The following TUBB4A variants were observed in gnomAD, a reference collection of about 807,000 sequenced individuals.
TUBB4A encodes tubulin beta 4A class IVa, also known as tubulin beta-4A chain.
A neutral mutation model predicts 35.1 loss-of-function variants in TUBB4A; 13 were observed. The observed-to-expected ratio is 0.37, with a 90% CI of 0.24 to 0.59. The LOEUF is 0.59. TUBB4A is among the 20% of genes least tolerant of loss of function. The pLI, the probability that TUBB4A is intolerant of heterozygous loss-of-function variation, is 0.71. For synonymous variants in TUBB4A, 279 were observed against 272.4 expected (o/e 1.02, Z -0.24); for missense variants, 299 against 647.2 (o/e 0.46, Z 5.84).
In TUBB4A at chr19:6,495,517, C is replaced by T; in HGVS notation, c.982G>A (p.Glu328Lys). The T allele has an allele frequency of 2.5e-6, 4 of 1,614,214 alleles. No homozygotes were observed. The highest frequency in any genetic ancestry group is 3.4e-6 in the Non-Finnish European group (4 of 1,180,038). The change falls in exon 4 of 4, where the codon GAG becomes AAG. Residue 328 changes from glutamate to lysine, a missense_variant. This residue lies in a region of TUBB4A where 125 missense variants were observed against 279.1 expected (regional missense o/e 0.45). Transcript: ENST00000264071. This position sits in a 1 kb window ranked among gnomAD's most constrained non-coding sequence, Gnocchi z 8.7. Reference sequence around the variant, plus strand: ...TTGCTCTGCACGCTCAGCATCTGCTCGTCCACCTCCTTCATGGACATGCGG... The same window carrying T: ...TTGCTCTGCACGCTCAGCATCTGCTTGTCCACCTCCTTCATGGACATGCGG... ...RGRMSMKEVD[E>K]QMLSVQSKNS... is the part of the protein sequence containing the mutation.
rs1041356874 is a variant in TUBB4A, at chr19:6,496,473, C to CA, written c.278-253dup. Reference sequence around the variant, plus strand: ...TGAAACCCCGTCTCTACTAAAATTACAAAAAAAATTAGCCGGGAGTGGTGG... The same window carrying CA: ...TGAAACCCCGTCTCTACTAAAATTACAAAAAAAAATTAGCCGGGAGTGGTGG... On this transcript the variant is annotated intron_variant, in intron 3 of 3. Transcript: ENST00000264071. The CA allele has an allele frequency of 3.9e-4, 139 of 359,246 alleles. 2 individuals carry two copies. In the East Asian group the frequency reaches 6.8e-3, roughly 17 times the overall value. The allele number at this position is 359,246 out of a possible 1,614,324, so 22.3% of individuals were successfully genotyped here.
chr19:6,496,813 TC>T (rs1914222451), intron 3 of TUBB4A, among the ~76,000 whole-genome samples: 1 of 145,070 alleles, frequency 6.9e-6, no homozygotes, highest in South Asian at 2.2e-4. Flanking sequence ...GGAGTGAGAC[TC>T]CATCTCAAAA....
In TUBB4A at chr19:6,501,240, G is replaced by A; in HGVS notation, c.277+47C>T. 6.5e-7 allele frequency: 1 copy of A among 1,528,650 alleles called. No homozygotes were observed. The highest frequency in any genetic ancestry group is 9.0e-7 in the Non-Finnish European group (1 of 1,111,770). The allele number at this position is 1,528,650 out of a possible 1,614,324, so 94.7% of individuals were successfully genotyped here. ...GGCTGTTGACTCTGTGGTGTTAGCA[G>A]GAATAAGGAGGTTTTCCAGCCTCTG... On this transcript the variant is annotated intron_variant, in intron 3 of 3. Transcript: ENST00000264071. This position sits in a 1 kb window ranked among gnomAD's most constrained non-coding sequence, Gnocchi z 4.2.
At chr19:6,498,273 T>C (rs1914361019) in intron 3 of TUBB4A, among the ~76,000 whole-genome samples, 1 of 151,616 alleles carries the variant, frequency 6.6e-6, no homozygotes, top group South Asian at 2.1e-4. Context: ...ACAGCTAACG[T>C]TTTCTTTCAC....
Position 6,501,891 on chromosome 19 carries a change from T to C in TUBB4A, c.57+265A>G, listed in dbSNP as rs1436091937. On this transcript the variant is annotated intron_variant, in intron 1 of 3. Coordinates refer to ENST00000264071, the MANE Select transcript of TUBB4A (RefSeq NM_006087.4). This position sits in a 1 kb window ranked among gnomAD's most constrained non-coding sequence, Gnocchi z 4.2. ...GGGAGGCACCGGGGCTCTTTGTGCG[T>C]GAGGAGGGGACAGTGGCCCAGCTGT... is the stretch of plus-strand genomic sequence containing the variant. The C allele has an allele frequency of 3.4e-6, 2 of 583,886 alleles. No homozygotes were observed. The highest frequency in any genetic ancestry group is 3.2e-5 in the Admixed American group (1 of 31,310). 36.2% of individuals were successfully genotyped at this position (583,886 alleles called of 1,614,324 possible).
At chr19:6,497,025 ATATATATATATATATAT>A (rs1332941454) in intron 3 of TUBB4A, among the ~76,000 whole-genome samples, 50 of 8,418 alleles carry the variant, frequency 5.9e-3, no homozygotes, top group Middle Eastern at 0.12. Context: ...AAAAAAAAAA[ATATATATATATATATAT>A]ATATATATAT....
intron 3 of TUBB4A, among the ~76,000 whole-genome samples, chr19:6,497,025 ATATATAT>A (rs1258789141): frequency 3.0e-3 from 25 of 8,418 alleles, no homozygotes; most frequent in Non-Finnish European, 3.5e-3. Context: ...AAAAAAAAAA[ATATATAT>A]ATATATATAT....
Position 6,496,227 on chromosome 19 carries a change from G to A in TUBB4A, c.278-6C>T, listed in dbSNP as rs761298089. The A allele has an allele frequency of 5.6e-6, 9 of 1,599,090 alleles. No individual in the cohort carries two copies. The highest frequency in any genetic ancestry group is 7.7e-6 in the Non-Finnish European group (9 of 1,170,754). ...GTTGCCGGCTCCGGATTGGCCTAGA[G>A]AGGGAAGGGGAGGGGACACACATGC... On this transcript the variant is annotated splice_region_variant and splice_polypyrimidine_tract_variant and intron_variant, in intron 3 of 3. Coordinates refer to ENST00000264071, the MANE Select transcript of TUBB4A (RefSeq NM_006087.4).
At chr19:6,497,625 G>A (rs939222257) in intron 3 of TUBB4A, among the ~76,000 whole-genome samples, 5 of 151,858 alleles carry the variant, frequency 3.3e-5, no homozygotes, top group African/African-American at 4.8e-5. Context: ...GCAAGCTCCC[G>A]GAGGAAAAGA....
Position 6,495,455 on chromosome 19 carries a change from G to A in TUBB4A, c.1044C>T (p.Asn348=), listed in dbSNP as rs111274574. 106 of 1,614,224 alleles carry A rather than the reference G, an allele frequency of 6.6e-5. No individual in the cohort carries two copies. The African/African-American group carries it at 1.2e-3, about 18-fold the overall frequency. The change falls in exon 4 of 4, where the codon AAC becomes AAT. Residue 348 remains asparagine, a synonymous_variant. Transcript: ENST00000264071. This position sits in a 1 kb window ranked among gnomAD's most constrained non-coding sequence, Gnocchi z 8.7. Reference sequence around the variant, plus strand: ...GGATGTCGCACACGGCCGTCTTCACGTTGTTGGGGATCCACTCCACGAAGT... The same window carrying A: ...GGATGTCGCACACGGCCGTCTTCACATTGTTGGGGATCCACTCCACGAAGT... ...SSYFVEWIPN[N]VKTAVCDIPP...
chr19:6,502,242 C>T lies in TUBB4A; in HGVS notation c.-30G>A. The T allele has an allele frequency of 1.3e-6, 2 of 1,504,970 alleles. No homozygotes were observed. Among genetic ancestry groups the T allele is most frequent in the South Asian group, 1.2e-5 (1 of 80,508 alleles). 93.2% of individuals were successfully genotyped at this position (1,504,970 alleles called of 1,614,324 possible). ...GTGGCGCTGAGGGTGGACGCGGCGG[C>T]GGTGGCACGAGCGCGGGGAGCTGCG... On this transcript the variant is annotated 5_prime_UTR_variant, in exon 1 of 4. Coordinates refer to ENST00000264071, the MANE Select transcript of TUBB4A (RefSeq NM_006087.4).
Position 6,501,311 on chromosome 19 carries a change from A to T in TUBB4A, c.253T>A (p.Phe85Ile). 2 of 1,614,086 alleles carry T rather than the reference A, an allele frequency of 1.2e-6. No individual in the cohort carries two copies. Among genetic ancestry groups the T allele is most frequent in the Non-Finnish European group, 1.7e-6 (2 of 1,179,950 alleles). ...CCAAACACGAAGTTGTCCGGCCGAAAGATCTGACCGAAGGGGCCAGAACGG... is the reference window on the plus strand; with the variant it reads ...CCAAACACGAAGTTGTCCGGCCGAATGATCTGACCGAAGGGGCCAGAACGG... Reference protein sequence around the residue: ...SVRSGPFGQIFRPDNFVFGQS... With the variant: ...SVRSGPFGQIIRPDNFVFGQS... The change falls in exon 3 of 4, where the codon TTT becomes ATT. Residue 85 changes from phenylalanine to isoleucine, a missense_variant. Physicochemically the swap from Phe to Ile is conservative, Grantham distance 21. Coordinates refer to ENST00000264071, the MANE Select transcript of TUBB4A (RefSeq NM_006087.4). This position sits in a 1 kb window ranked among gnomAD's most constrained non-coding sequence, Gnocchi z 4.2.
In TUBB4A at chr19:6,494,378, A is replaced by C. The variant is rs2145239667; in HGVS notation, c.*786T>G. On this transcript the variant is annotated 3_prime_UTR_variant, in exon 4 of 4. Transcript: ENST00000264071. The stretch of plus-strand genomic sequence containing the variant: ...AGGCAGGGAAGCGGGGAGGGAGGGT[A>C]GGGGTGACCTCTCTTCCTCACAGGC... 1 of 147,070 alleles carries C rather than the reference A, an allele frequency of 6.8e-6. No individual in the cohort carries two copies. Among genetic ancestry groups the C allele is most frequent in the South Asian group, 2.3e-4 (1 of 4,308 alleles). The allele number at this position is 147,070 out of a possible 1,614,324, so 9.1% of individuals were successfully genotyped here.
At chr19:6,496,262 G>C (rs780051412) in intron 3 of TUBB4A, 41 bp from the exon 4 acceptor site, 4 of 1,562,172 alleles carry the variant, frequency 2.6e-6, no homozygotes, top group East Asian at 4.5e-5. Flanking sequence ...CAGTTATGGG[G>C]AGCCCCAACC....
In TUBB4A at chr19:6,501,771, G is replaced by A. The variant is rs1385964755; in HGVS notation, c.58-148C>T. On this transcript the variant is annotated intron_variant, in intron 1 of 3. Coordinates refer to ENST00000264071, the MANE Select transcript of TUBB4A (RefSeq NM_006087.4). The surrounding 1 kb of genome is among the most constrained non-coding windows in gnomAD (Gnocchi z 4.2). ...CCTAGAGGCATGGTGTCGGGGCGAGGATGAGGCAGCAAGAAGGAGCGGTGG... is the reference window on the plus strand; with the variant it reads ...CCTAGAGGCATGGTGTCGGGGCGAGAATGAGGCAGCAAGAAGGAGCGGTGG... 11 of 664,536 alleles carry A rather than the reference G, an allele frequency of 1.7e-5. No homozygotes were observed. The East Asian group carries it at 3.0e-4, about 18-fold the overall frequency. The allele number at this position is 664,536 out of a possible 1,614,324, so 41.2% of individuals were successfully genotyped here. A position where few individuals can be genotyped will look rare whatever the true frequency, so the allele number is the denominator to read the frequency against.
intron 3 of TUBB4A, among the ~76,000 whole-genome samples, chr19:6,497,776 A>G (rs940081854): frequency 1.3e-5 from 2 of 150,058 alleles, no homozygotes; most frequent in Non-Finnish European, 3.0e-5. Flanking sequence ...TACTGAAAAT[A>G]CAAAAAATTA....
At chr19:6,500,745 G>GAAAAA (rs113460662) in intron 3 of TUBB4A, 2 of 126,280 alleles carry the variant, frequency 1.6e-5, no homozygotes, top group African/African-American at 3.1e-5. Context: ...GACCCTGTCT[G>GAAAAA]AAAAAAAAAA....
chr19:6,497,783 A>G (rs972801412), intron 3 of TUBB4A, among the ~76,000 whole-genome samples: 4 of 148,298 alleles, frequency 2.7e-5, no homozygotes, highest in African/African-American at 5.0e-5. Flanking sequence ...AATACAAAAA[A>G]TTAGCCGGGC....
Position 6,495,554 on chromosome 19 carries a change from G to A in TUBB4A, c.945C>T (p.Ala315=), listed in dbSNP as rs1318704034. ...PRHGRYLTVA[A]VFRGRMSMKE... ...TCATGGACATGCGGCCCCGGAACAC[G>A]GCGGCCACGGTCAGGTAGCGGCCGT... The change falls in exon 4 of 4, where the codon GCC becomes GCT. Residue 315 remains alanine, a synonymous_variant. Coordinates refer to ENST00000264071, the MANE Select transcript of TUBB4A (RefSeq NM_006087.4). This position sits in a 1 kb window ranked among gnomAD's most constrained non-coding sequence, Gnocchi z 8.7. The A allele has an allele frequency of 8.1e-6, 13 of 1,614,006 alleles. No individual in the cohort carries two copies. The highest frequency in any genetic ancestry group is 2.2e-5 in the East Asian group (1 of 44,882).
Sources: gnomAD v4.1 joint callset for allele counts (sites outside exome capture counted in the v4.1 genomes callset) on GRCh38, gnomAD v4.1.1 for gene constraint, gnomAD v4.1.1 regional missense constraint, Gnocchi (gnomAD v3.1) non-coding constraint, MANE v1.5 for transcripts, NCBI Gene and HGNC (gene_info 2026-07-23, HGNC 2026-07-21) for gene names.